The following VWF variants were observed in gnomAD, a reference collection of about 807,000 sequenced individuals.
VWF encodes the protein Factor VIII related antigen.
A neutral mutation model predicts 308.6 loss-of-function variants in VWF; 176 were observed. The ratio of observed to expected loss-of-function variants is 0.57; its 90% CI spans 0.50 to 0.65. VWF has a LOEUF of 0.65. Among genes scored for constraint, VWF ranks in the 30% least tolerant of loss-of-function variants. VWF has a pLI of 0.00. For synonymous variants in VWF, 1,385 were observed against 1,443.4 expected (o/e 0.96, Z 0.92); for missense variants, 3,146 against 3,648.2 (o/e 0.86, Z 3.55).
intron 5 of VWF, 132 bp from the exon 6 acceptor site, chr12:6,095,716 A>G: frequency 7.4e-7 from 1 of 1,344,842 alleles, no homozygotes; most frequent in Non-Finnish European, 1.0e-6. Context: ...GGGTCTGGCT[A>G]TGTTTCCCAG....
chr12:6,032,475 T>TA (rs200744650), intron 20 of VWF, among the ~76,000 whole-genome samples: 34,689 of 148,290 alleles, frequency 0.23, 4,381 homozygotes, highest in African/African-American at 0.28. Flanking sequence ...CCGTCTCTAC[T>TA]AAAATACAAA....
intron 42 of VWF, among the ~76,000 whole-genome samples, chr12:5,976,476 CA>C (rs1013698874): frequency 1.3e-5 from 2 of 152,138 alleles, no homozygotes; most frequent in Non-Finnish European, 2.9e-5. Context: ...ACCAGTCTCT[CA>C]GGGGTGGCCC....
At chr12:6,120,353 G>A (rs900102180) in intron 3 of VWF, among the ~76,000 whole-genome samples, 5 of 151,094 alleles carry the variant, frequency 3.3e-5, no homozygotes, top group Non-Finnish European at 4.4e-5. Context: ...ATGGAGTCTC[G>A]CTCTGTTGCC....
At position 6,011,643 on chromosome 12, in the gene VWF, G is replaced by T. The variant is rs561950510; in HGVS notation, c.5816C>A (p.Thr1939Asn). ...NSQSPVKVEE[T>N]CGCRWTCPCV... ...GGGGCAGGTCCAGCGGCAGCCACAG[G>T]TCTCTTCCACTTTAACAGGGGACTG... Residue 1939 changes from threonine to asparagine, a missense_variant, in exon 34 of 52, where the codon ACC becomes AAC. Around this residue, in one of 3 missense-constraint regions of VWF, gnomAD observed 853 missense variants for 1,177.8 expected, o/e 0.72. Coordinates refer to ENST00000261405, the MANE Select transcript of VWF (RefSeq NM_000552.5). 6.2e-6 allele frequency: 10 copies of T among 1,612,394 alleles called. No homozygotes were observed. In the African/African-American group the frequency reaches 1.3e-4, roughly 21 times the overall value.
At position 5,981,742 on chromosome 12, in the gene VWF, T is replaced by C. The variant is rs1943608237; in HGVS notation, c.7287+44A>G. On this transcript the variant is annotated intron_variant, in intron 42 of 51. Transcript: ENST00000261405. ...GGATAAACTGACAGCAATAAATAAA[T>C]GAGTAAACTATTAACTGATAGTTAA... 3 of 1,592,234 alleles carry C rather than the reference T, an allele frequency of 1.9e-6. No individual in the cohort carries two copies. The Admixed American group carries it at 5.0e-5, about 27-fold the overall frequency.
intron 6 of VWF, among the ~76,000 whole-genome samples, chr12:6,088,681 T>G (rs1344710368): frequency 4.6e-5 from 7 of 152,150 alleles, no homozygotes; most frequent in Non-Finnish European, 1.0e-4. Context: ...CGAATTTTTT[T>G]AAAGTGATCT....
chr12:5,987,056 T>C (rs576444788), intron 38 of VWF, among the ~76,000 whole-genome samples: 3 of 152,272 alleles, frequency 2.0e-5, no homozygotes, highest in Admixed American at 6.5e-5. Flanking sequence ...GCCTCCCAAA[T>C]AGTTGGGACT....
rs766417480 is a variant in VWF at position 6,044,279 on chromosome 12, C to T, written c.2442+12G>A. ...TGAAGGGCAGGCACCAGCTCTGTGC[C>T]TGGTGACTCACCATGCCCGGGGGGC... is the stretch of plus-strand genomic sequence containing the variant. On this transcript the variant is annotated intron_variant, in intron 18 of 51. Transcript: ENST00000261405. 1 of 1,613,958 alleles carries T rather than the reference C, an allele frequency of 6.2e-7. No homozygotes were observed. The highest frequency in any genetic ancestry group is 8.5e-7 in the Non-Finnish European group (1 of 1,179,974).
intron 19 of VWF, among the ~76,000 whole-genome samples, chr12:6,035,391 C>T (rs1042524740): frequency 2.6e-5 from 4 of 152,170 alleles, no homozygotes; most frequent in African/African-American, 9.7e-5. Context: ...TGCCACGTGT[C>T]CCTCCCTGCC....
intron 6 of VWF, among the ~76,000 whole-genome samples, chr12:6,093,294 C>A (rs1378980897): frequency 6.6e-6 from 1 of 152,098 alleles, no homozygotes; most frequent in Non-Finnish European, 1.5e-5. Context: ...CAAGGGCTCA[C>A]CACTGAGTCA....
At chr12:6,069,662 G>T (rs569932139) in intron 10 of VWF, among the ~76,000 whole-genome samples, 1 of 152,300 alleles carries the variant, frequency 6.6e-6, no homozygotes, top group East Asian at 1.9e-4. Flanking sequence ...GAAAAAGATG[G>T]TCAGAGCCAG....
intron 47 of VWF, 85 bp from the exon 48 acceptor site, chr12:5,953,679 A>C: frequency 9.2e-7 from 1 of 1,088,704 alleles, no homozygotes. Flanking sequence ...CTGGCCTCTC[A>C]TCTCTCTCAT....
rs1161065713 is a variant in VWF at position 5,971,638 on chromosome 12, A to T, written c.7509T>A (p.Thr2503=). The T allele has an allele frequency of 6.2e-7, 1 of 1,614,204 alleles. No individual in the cohort carries two copies. Among genetic ancestry groups the T allele is most frequent in the South Asian group, 1.1e-5 (1 of 91,090 alleles). Residue 2503 remains threonine, a synonymous_variant, in exon 44 of 52, where the codon ACT becomes ACA. Coordinates refer to ENST00000261405, the MANE Select transcript of VWF (RefSeq NM_000552.5). The part of the protein sequence containing the change: ...RCLPSACEVV[T]GSPRGDSQSS... ...ACTGGGAGTCCCCCCGCGGTGAGCCAGTCACCACCTCACAGGCAGATGGCA... is the reference window on the plus strand; with the variant it reads ...ACTGGGAGTCCCCCCGCGGTGAGCCTGTCACCACCTCACAGGCAGATGGCA...
intron 49 of VWF, 96 bp from the exon 50 acceptor site, chr12:5,951,979 C>T (rs546890083): frequency 7.7e-5 from 97 of 1,251,662 alleles, no homozygotes; most frequent in Non-Finnish European, 9.7e-5. Flanking sequence ...GAACTCACAG[C>T]CCTGTGCTTA....
chr12:6,019,104 G>A lies in VWF; in HGVS notation c.4314C>T (p.Phe1438=), dbSNP rs1321218647. The change falls in exon 28 of 52, where the codon TTC becomes TTT. Residue 1438 remains phenylalanine, a synonymous_variant. Transcript: ENST00000261405. This position sits in a 1 kb window ranked among gnomAD's most constrained non-coding sequence, Gnocchi z 5.8. The stretch of plus-strand genomic sequence containing the variant: ...CCAGCTCATCCACACTGCTCAGCAC[G>A]AAGGCCTTGTTCTCAGGGGCCTGCT... The part of the protein sequence containing the change: ...IEKQAPENKA[F]VLSSVDELEQ... 11 of 1,613,780 alleles carry A rather than the reference G, an allele frequency of 6.8e-6. No individual in the cohort carries two copies. The highest frequency in any genetic ancestry group is 1.7e-5 in the Admixed American group (1 of 59,996).
At chr12:6,069,473 C>T (rs1269256215) in intron 10 of VWF, among the ~76,000 whole-genome samples, 3 of 152,144 alleles carry the variant, frequency 2.0e-5, no homozygotes, top group African/African-American at 7.2e-5. Context: ...CAGAGCCAAG[C>T]ATATCCCCTC....
Position 5,995,358 on chromosome 12 carries a change from A to G in VWF, c.6063+644T>C, listed in dbSNP as rs184101316. ...TTTGATTTTTTAATTTTTGGCTATGAGTTACTCACTTGATATATGACTAAG... is the reference window on the plus strand; with the variant it reads ...TTTGATTTTTTAATTTTTGGCTATGGGTTACTCACTTGATATATGACTAAG... On this transcript the variant is annotated intron_variant, in intron 35 of 51. Transcript: ENST00000261405. Among the ~76,000 whole-genome samples, 3 of 152,180 alleles carry G rather than the reference A, an allele frequency of 2.0e-5. No individual in the cohort carries two copies. In the East Asian group the frequency reaches 5.8e-4, roughly 29 times the overall value.
At chr12:6,100,892 T>A (rs1277349982) in intron 5 of VWF, among the ~76,000 whole-genome samples, 3 of 152,020 alleles carry the variant, frequency 2.0e-5, no homozygotes, top group African/African-American at 4.8e-5. Flanking sequence ...TAAAGCATAA[T>A]AATAATAATA....
At chr12:6,110,313 T>A in intron 5 of VWF, 61 bp downstream of exon 5, 1 of 1,567,400 alleles carries the variant, frequency 6.4e-7, no homozygotes, top group Non-Finnish European at 8.8e-7. Flanking sequence ...TGAAGGTTTA[T>A]GAGCAAGGAA....
Sources: gnomAD v4.1 joint callset for allele counts (sites outside exome capture counted in the v4.1 genomes callset) on GRCh38, gnomAD v4.1.1 for gene constraint, gnomAD v4.1.1 regional missense constraint, Gnocchi (gnomAD v3.1) non-coding constraint, MANE v1.5 for transcripts, NCBI Gene and HGNC (gene_info 2026-07-23, HGNC 2026-07-21) for gene names.